Variants in ADGB observed in about 807,000 individuals in gnomAD.
ADGB encodes the protein calpain-7-like protein.
In ADGB, 172 loss-of-function variants were observed where a neutral mutation model predicts 210.5. That is an observed-to-expected ratio of 0.82 (90% CI 0.72 to 0.93). The LOEUF (loss-of-function observed/expected upper bound fraction) is 0.93, where lower values mean the gene tolerates loss of function less well. ADGB is among the 40% of genes least tolerant of loss of function. The pLI, the probability that ADGB is intolerant of heterozygous loss-of-function variation, is 0.00. For synonymous variants in ADGB, 658 were observed against 662.7 expected, an observed-to-expected ratio of 0.99 and a Z score of 0.11; for missense variants, 2,025 against 1,964.8, an observed-to-expected ratio of 1.03 and a Z score of -0.58.
At chr6:146,750,517 A>G (rs1400759151) in intron 26 of ADGB, among the ~76,000 whole-genome samples, 1 of 152,148 alleles carries the variant, frequency 6.6e-6, no homozygotes, top group Non-Finnish European at 1.5e-5. Context: ...TGATTGCACC[A>G]CTGCACTCCA....
At chr6:146,656,363 A>G (rs1388505876) in intron 4 of ADGB, among the ~76,000 whole-genome samples, 4 of 152,226 alleles carry the variant, frequency 2.6e-5, no homozygotes, top group African/African-American at 4.8e-5. Context: ...ATTGACATAC[A>G]AGAGATAATA....
At chr6:146,613,927 G>A (rs1377403844) in intron 1 of ADGB, among the ~76,000 whole-genome samples, 1 of 151,732 alleles carries the variant, frequency 6.6e-6, no homozygotes, top group Non-Finnish European at 1.5e-5. Context: ...ATTTTATTAT[G>A]TATAAAGACA....
At chr6:146,641,454 GAA>G (rs879009000) in intron 2 of ADGB, among the ~76,000 whole-genome samples, 4 of 142,508 alleles carry the variant, frequency 2.8e-5, no homozygotes, top group South Asian at 2.2e-4. Flanking sequence ...AATCCCACGG[GAA>G]AAAAAAAAAA....
intron 26 of ADGB, among the ~76,000 whole-genome samples, chr6:146,750,424 G>C (rs1385292798): frequency 6.6e-6 from 1 of 151,998 alleles, no homozygotes; most frequent in Non-Finnish European, 1.5e-5. Context: ...TGAGCATGGT[G>C]GTGCATACCT....
chr6:146,706,843 G>GT (rs754650219), intron 13 of ADGB, among the ~76,000 whole-genome samples: 13 of 66,872 alleles, frequency 1.9e-4, no homozygotes, highest in African/African-American at 8.2e-4. Context: ...GATCAGCTTA[G>GT]TGTTTTTTTT....
chr6:146,667,110 G>C (rs1775947957), intron 7 of ADGB, among the ~76,000 whole-genome samples: 1 of 151,864 alleles, frequency 6.6e-6, no homozygotes. Flanking sequence ...GACCCCCATA[G>C]GTTCTTTGTT....
intron 35 of ADGB, among the ~76,000 whole-genome samples, chr6:146,812,357 A>G (rs572248184): frequency 1.9e-4 from 7 of 36,734 alleles, no homozygotes; most frequent in African/African-American, 5.0e-4. Flanking sequence ...GGGGGTGCCC[A>G]AAAAAAAATA....
intron 7 of ADGB, among the ~76,000 whole-genome samples, chr6:146,667,838 G>A (rs1775957740): frequency 6.6e-6 from 1 of 151,952 alleles, no homozygotes; most frequent in Admixed American, 6.6e-5. Context: ...TGAAAGGATA[G>A]TCTTATTTAA....
intron 22 of ADGB, 34 bp downstream of exon 22, chr6:146,734,064 G>T (rs755999682): frequency 6.1e-4 from 940 of 1,538,972 alleles, no homozygotes; most frequent in Non-Finnish European, 7.7e-4. Context: ...AAATGAACTT[G>T]TTTGTATAAG....
intron 34 of ADGB, 74 bp from the exon 35 acceptor site, chr6:146,801,754 T>C (rs1211914709): frequency 7.8e-7 from 1 of 1,274,434 alleles, no homozygotes; most frequent in East Asian, 2.7e-5. Context: ...TTTAAAATTA[T>C]TTGATGTCTA....
intron 35 of ADGB, among the ~76,000 whole-genome samples, chr6:146,810,856 A>T (rs1225380196): frequency 2.6e-5 from 4 of 152,174 alleles, no homozygotes; most frequent in Non-Finnish European, 5.9e-5. Context: ...AAGCTGACAA[A>T]TTCTGTGTAT....
At chr6:146,633,242 C>A (rs998385998) in intron 1 of ADGB, among the ~76,000 whole-genome samples, 1 of 152,182 alleles carries the variant, frequency 6.6e-6, no homozygotes, top group Non-Finnish European at 1.5e-5. Flanking sequence ...TTCTTGCCTT[C>A]TCTTCAGTCA....
chr6:146,777,936 T>G (rs899991325), intron 29 of ADGB, among the ~76,000 whole-genome samples: 9 of 152,194 alleles, frequency 5.9e-5, no homozygotes, highest in African/African-American at 1.9e-4. Flanking sequence ...ACAGGTTATC[T>G]GTATGATTTC....
chr6:146,762,635 T>G (rs935502818), intron 27 of ADGB, among the ~76,000 whole-genome samples: 1 of 152,120 alleles, frequency 6.6e-6, no homozygotes, highest in Non-Finnish European at 1.5e-5. Context: ...CTCTTTTAAT[T>G]GAAAGAGTGT....
chr6:146,599,065 A>T lies in ADGB; in HGVS notation c.25A>T (p.Lys9Ter). ...CATGGCCTCCAAACAAACCAAAAAG[A>T]AAGAGGTGCATCGTATCAACTCGGC... MASKQTKK[K>*]EVHRINSAHG... The change falls in exon 1 of 36, where the codon AAA becomes TAA. Residue 9 changes from lysine (K) to a stop codon, truncating the protein, a stop_gained. Coordinates refer to ENST00000397944, the MANE Select transcript of ADGB (RefSeq NM_024694.4). LOFTEE classifies it high-confidence loss of function. The T allele has an allele frequency of 6.4e-7, 1 of 1,551,700 alleles. No individual in the cohort carries two copies. Among genetic ancestry groups the T allele is most frequent in the Non-Finnish European group, 8.7e-7 (1 of 1,146,996 alleles).
At chr6:146,631,882 T>G (rs1781070496) in intron 1 of ADGB, among the ~76,000 whole-genome samples, 1 of 152,022 alleles carries the variant, frequency 6.6e-6, no homozygotes, top group Non-Finnish European at 1.5e-5. Context: ...TTTCCTTGTT[T>G]CTAAATTCAA....
chr6:146,719,170 T>G (rs542851056), intron 16 of ADGB, among the ~76,000 whole-genome samples: 1 of 129,192 alleles, frequency 7.7e-6, no homozygotes, highest in East Asian at 2.5e-4. Flanking sequence ...ATGAAGCAGA[T>G]CAAATGTGAA....
intron 1 of ADGB, among the ~76,000 whole-genome samples, chr6:146,630,089 T>G (rs1305507414): frequency 6.6e-6 from 1 of 151,102 alleles, no homozygotes; most frequent in East Asian, 2.0e-4. Context: ...ATACAAAAAT[T>G]AGCTGGGCAT....
chr6:146,619,206 T>G (rs1288626580), intron 1 of ADGB, among the ~76,000 whole-genome samples: 1 of 151,392 alleles, frequency 6.6e-6, no homozygotes, highest in Admixed American at 6.6e-5. Flanking sequence ...TCTTTTTTGG[T>G]TTTTATTTGT....
Sources: allele counts gnomAD v4.1 joint callset (sites outside exome capture counted in the v4.1 genomes callset), GRCh38; gene constraint gnomAD v4.1.1; transcripts MANE v1.5; gene names NCBI Gene and HGNC (gene_info 2026-07-23, HGNC 2026-07-21).